The following GPR171 variants were observed in gnomAD, a reference collection of about 807,000 sequenced individuals.
The protein encoded by GPR171 is F730001G15Rik.
Under a neutral mutation model 16.7 loss-of-function variants are expected in GPR171, and 14 were observed. The observed-to-expected ratio is 0.84, with a 90% CI of 0.55 to 1.31. The LOEUF is 1.31. GPR171 is among the 40% of genes most tolerant of loss of function. The pLI, the probability that GPR171 is intolerant of heterozygous loss-of-function variation, is 0.00. For missense variants in GPR171, 337 were observed against 378.9 expected (o/e 0.89, Z 0.92); for synonymous variants, 134 against 135.6 (o/e 0.99, Z 0.08).
rs1003550302 is a variant in GPR171, at chr3:151,198,026, G to A, written c.*401C>T. On this transcript the variant is annotated 3_prime_UTR_variant, in exon 3 of 3. Coordinates refer to ENST00000309180, the MANE Select transcript of GPR171 (RefSeq NM_013308.4). ...GTAATCTGAAAGGCTTTAAAATTAT[G>A]TTGCTGGTGGGCTTTCTGGTAACTT... 1 of 154,116 alleles carries A rather than the reference G, an allele frequency of 6.5e-6. No individual in the cohort carries two copies. The highest frequency in any genetic ancestry group is 1.4e-5 in the Non-Finnish European group (1 of 69,238). The allele number at this position is 154,116 out of a possible 1,614,324, so 9.5% of individuals were successfully genotyped here. A position where few individuals can be genotyped will look rare whatever the true frequency, so the allele number is the denominator to read the frequency against.
intron 1 of GPR171, among the ~76,000 whole-genome samples, chr3:151,202,233 A>G (rs1398071118): frequency 2.0e-5 from 3 of 152,264 alleles, no homozygotes; most frequent in African/African-American, 4.8e-5. Context: ...CTGTGTCACA[A>G]GTTTGAGAAC....
chr3:151,198,585 C>T lies in GPR171; in HGVS notation c.802G>A (p.Glu268Lys), dbSNP rs758643394. The T allele has an allele frequency of 6.2e-7, 1 of 1,613,894 alleles. No individual in the cohort carries two copies. The highest frequency in any genetic ancestry group is 1.3e-5 in the African/African-American group (1 of 74,898). The stretch of plus-strand genomic sequence containing the variant: ...GACACAGCCAGGAGCAGTGTAGCCT[C>T]TTTGGCTTTGAAGAGTGAAATCCTG... The part of the protein sequence containing the change: ...STRISLFKAK[E>K]ATLLLAVSNL... Residue 268 changes from glutamate to lysine, a missense_variant, in exon 3 of 3, where the codon GAG (glutamate) becomes AAG (lysine). Coordinates refer to ENST00000309180, the MANE Select transcript of GPR171 (RefSeq NM_013308.4).
chr3:151,201,245 T>TCTCA (rs1491171776), intron 1 of GPR171, among the ~76,000 whole-genome samples: 13 of 150,524 alleles, frequency 8.6e-5, no homozygotes, highest in African/African-American at 3.0e-4. Flanking sequence ...TCTCTCTCTC[T>TCTCA]CACACGCACA....
rs752654684 is a variant in GPR171 at position 151,198,183 on chromosome 3, C to T, written c.*244G>A. On this transcript the variant is annotated 3_prime_UTR_variant, in exon 3 of 3. Coordinates refer to ENST00000309180, the MANE Select transcript of GPR171 (RefSeq NM_013308.4). Reference sequence around the variant, plus strand: ...CAAGGATATTGCAGGATTTTACATTCGTTCAATGAGACTCTTTAGTTTTTT... The same window carrying T: ...CAAGGATATTGCAGGATTTTACATTTGTTCAATGAGACTCTTTAGTTTTTT... 6 of 336,116 alleles carry T rather than the reference C, an allele frequency of 1.8e-5. No homozygotes were observed. Among genetic ancestry groups the T allele is most frequent in the South Asian group, 7.7e-5 (1 of 12,946 alleles). The allele number at this position is 336,116 out of a possible 1,614,324, so 20.8% of individuals were successfully genotyped here. A position where few individuals can be genotyped will look rare whatever the true frequency, so the allele number is the denominator to read the frequency against.
chr3:151,200,231 AACAT>A (rs1725347625), intron 2 of GPR171, among the ~76,000 whole-genome samples: 1 of 152,144 alleles, frequency 6.6e-6, no homozygotes, highest in Non-Finnish European at 1.5e-5. Context: ...CCAAATCTGG[AACAT>A]TGAGCGGGTT....
Position 151,199,095 on chromosome 3 carries a change from T to C in GPR171, c.292A>G (p.Met98Val). The change falls in exon 3 of 3, where the codon ATG becomes GTG. Residue 98 changes from methionine (M) to valine (V), a missense_variant. Met to Val is a conservative substitution (Grantham distance 21). Transcript: ENST00000309180. ...GCTAAGAAGATAATTGATAAATACA[T>C]ATTGATATAGATGAGGCAGGCTGTT... ...QVTACLIYIN[M>V]YLSIIFLAFV... The C allele has an allele frequency of 6.2e-7, 1 of 1,613,950 alleles. No individual in the cohort carries two copies. Among genetic ancestry groups the C allele is most frequent in the Non-Finnish European group, 8.5e-7 (1 of 1,179,830 alleles).
chr3:151,202,835 A>G (rs1322729317), intron 1 of GPR171, among the ~76,000 whole-genome samples: 1 of 152,202 alleles, frequency 6.6e-6, no homozygotes, highest in Non-Finnish European at 1.5e-5. Flanking sequence ...CCACCCAGTT[A>G]TAAGATTGAG....
At chr3:151,201,244 C>G (rs925009047) in intron 1 of GPR171, among the ~76,000 whole-genome samples, 1 of 152,132 alleles carries the variant, frequency 6.6e-6, no homozygotes, top group Admixed American at 6.6e-5. Context: ...CTCTCTCTCT[C>G]TCACACGCAC....
chr3:151,198,232 T>G lies in GPR171; in HGVS notation c.*195A>C. ...TTGTACAAATATTTGGGTTAATGAG[T>G]AGCAGCAAGCCTAACAATAAAGCTT... On this transcript the variant is annotated 3_prime_UTR_variant, in exon 3 of 3. Coordinates refer to ENST00000309180, the MANE Select transcript of GPR171 (RefSeq NM_013308.4). 1 of 469,772 alleles carries G rather than the reference T, an allele frequency of 2.1e-6. No individual in the cohort carries two copies. The highest frequency in any genetic ancestry group is 3.7e-6 in the Non-Finnish European group (1 of 269,300). The allele number at this position is 469,772 out of a possible 1,614,324, so 29.1% of individuals were successfully genotyped here.
Position 151,198,440 on chromosome 3 carries a change from T to C in GPR171, c.947A>G (p.Glu316Gly), listed in dbSNP as rs1725005596. The change falls in exon 3 of 3, where the codon GAA (glutamate) becomes GGA (glycine). Residue 316 changes from glutamate to glycine, a missense_variant. Transcript: ENST00000309180. The stretch of plus-strand genomic sequence containing the variant: ...AAATCCTGTCTTTTATGCATTATTT[T>C]CACATCTTAATTTTTCTTTCTGAGC... Reference protein sequence around the residue: ...TKAQKEKLRCENNA With the variant: ...TKAQKEKLRCGNNA 6.2e-7 allele frequency: 1 copy of C among 1,606,718 alleles called. No individual in the cohort carries two copies. Among genetic ancestry groups the C allele is most frequent in the Non-Finnish European group, 8.5e-7 (1 of 1,174,962 alleles).
At position 151,198,083 on chromosome 3, in the gene GPR171, G is replaced by T. The variant is rs758461084; in HGVS notation, c.*344C>A. ...AAATTATTTTTTATATTTTTATCAAGAAGTCAGTTCCAGGCATTTAAATGA... is the reference window on the plus strand; with the variant it reads ...AAATTATTTTTTATATTTTTATCAATAAGTCAGTTCCAGGCATTTAAATGA... On this transcript the variant is annotated 3_prime_UTR_variant, in exon 3 of 3. Coordinates refer to ENST00000309180, the MANE Select transcript of GPR171 (RefSeq NM_013308.4). The T allele has an allele frequency of 2.2e-4, 36 of 164,394 alleles. No homozygotes were observed. Among genetic ancestry groups the T allele is most frequent in the Admixed American group, 3.8e-4 (6 of 15,732 alleles). 10.2% of individuals were successfully genotyped at this position (164,394 alleles called of 1,614,324 possible). A position where few individuals can be genotyped will look rare whatever the true frequency, so the allele number is the denominator to read the frequency against.
At chr3:151,199,893 C>T (rs1559870055) in intron 2 of GPR171, among the ~76,000 whole-genome samples, 1 of 151,772 alleles carries the variant, frequency 6.6e-6, no homozygotes, top group Non-Finnish European at 1.5e-5. Context: ...GCTGGGAGAA[C>T]CCAGGCTGAC....
Position 151,199,018 on chromosome 3 carries a change from G to A in GPR171, c.369C>T (p.Tyr123=). 1 of 1,614,120 alleles carries A rather than the reference G, an allele frequency of 6.2e-7. No homozygotes were observed. The highest frequency in any genetic ancestry group is 8.5e-7 in the Non-Finnish European group (1 of 1,180,006). Residue 123 remains tyrosine, a synonymous_variant, in exon 3 of 3, where the codon TAC becomes TAT. Coordinates refer to ENST00000309180, the MANE Select transcript of GPR171 (RefSeq NM_013308.4). The stretch of plus-strand genomic sequence containing the variant: ...TGGCAAATCCGGGTTCTTGTATTCG[G>A]TAGATCTTGCAGCTGTGTGTCAGCT... The part of the protein sequence containing the change: ...CLQLTHSCKI[Y]RIQEPGFAKM...
intron 1 of GPR171, among the ~76,000 whole-genome samples, chr3:151,201,364 T>C (rs1237625195): frequency 2.0e-5 from 3 of 152,166 alleles, no homozygotes; most frequent in Non-Finnish European, 4.4e-5. Context: ...CAGATTAAGA[T>C]TGGGATTGGT....
rs746606999 is a variant in GPR171, at chr3:151,198,811, T to G, written c.576A>C (p.Ser192=). 6.2e-7 allele frequency: 1 copy of G among 1,613,664 alleles called. No homozygotes were observed. The highest frequency in any genetic ancestry group is 8.5e-7 in the Non-Finnish European group (1 of 1,179,530). ...FICVAIFLNF[S]AIILISNCLV... Reference sequence around the variant, plus strand: ...GGCAATTGGATATTAAAATGATGGCTGAGAAATTTAAAAATATTGCTACAC... The same window carrying G: ...GGCAATTGGATATTAAAATGATGGCGGAGAAATTTAAAAATATTGCTACAC... The change falls in exon 3 of 3, where the codon TCA becomes TCC. Residue 192 remains serine, a synonymous_variant. Coordinates refer to ENST00000309180, the MANE Select transcript of GPR171 (RefSeq NM_013308.4).
Position 151,198,541 on chromosome 3 carries a change from A to G in GPR171, c.846T>C (p.Pro282=), listed in dbSNP as rs1238334189. The part of the protein sequence containing the change: ...LLAVSNLCFD[P]ILYYHLSKAF... The stretch of plus-strand genomic sequence containing the variant: ...CTTTTGAGAGGTGATAGTACAGGAT[A>G]GGATCAAAGCACAGGTTCGACACAG... Residue 282 remains proline, a synonymous_variant, in exon 3 of 3, where the codon CCT becomes CCC. Coordinates refer to ENST00000309180, the MANE Select transcript of GPR171 (RefSeq NM_013308.4). 6.2e-7 allele frequency: 1 copy of G among 1,614,118 alleles called. No individual in the cohort carries two copies. The highest frequency in any genetic ancestry group is 1.7e-5 in the Admixed American group (1 of 60,024).
In GPR171 at chr3:151,199,282, T is replaced by G; in HGVS notation, c.105A>C (p.Ala35=). 1 of 1,613,978 alleles carries G rather than the reference T, an allele frequency of 6.2e-7. No individual in the cohort carries two copies. The highest frequency in any genetic ancestry group is 1.1e-5 in the South Asian group (1 of 91,078). The change falls in exon 3 of 3, where the codon GCA becomes GCC. Residue 35 remains alanine, a synonymous_variant. Transcript: ENST00000309180. The part of the protein sequence containing the change: ...FLVGIIGSCF[A]TWAFIQKNTN... ...TATTCTTCTGTATAAAAGCCCAGGT[T>G]GCAAAACAACTTCCAATAATTCCAA...
In GPR171 at chr3:151,198,649, A is replaced by G. The variant is rs774905881; in HGVS notation, c.738T>C (p.Tyr246=). Residue 246 remains tyrosine, a synonymous_variant, in exon 3 of 3, where the codon TAT becomes TAC. Transcript: ENST00000309180. The part of the protein sequence containing the change: ...FVPYHIVRIP[Y]TLSQTEVITD... ...TTATGACTTCTGTCTGGCTGAGGGT[A>G]TACGGGATTCGGACAATGTGGTAAG... is the stretch of plus-strand genomic sequence containing the variant. 2 of 1,614,088 alleles carry G rather than the reference A, an allele frequency of 1.2e-6. No individual in the cohort carries two copies. Among genetic ancestry groups the G allele is most frequent in the South Asian group, 2.2e-5 (2 of 91,078 alleles).
At chr3:151,201,801 A>C (rs1310643668) in intron 1 of GPR171, among the ~76,000 whole-genome samples, 1 of 152,232 alleles carries the variant, frequency 6.6e-6, no homozygotes, top group Non-Finnish European at 1.5e-5. Context: ...GCATTGATAT[A>C]GTGTCACATC....
Sources: allele counts gnomAD v4.1 joint callset (sites outside exome capture counted in the v4.1 genomes callset), GRCh38; gene constraint gnomAD v4.1.1; transcripts MANE v1.5; gene names NCBI Gene and HGNC (gene_info 2026-07-23, HGNC 2026-07-21).